Variants in PDE3A observed in about 807,000 individuals in gnomAD.
The protein encoded by PDE3A is cGMP-inhibited 3',5'-cyclic phosphodiesterase 3A.
A neutral mutation model predicts 98.3 loss-of-function variants in PDE3A; 43 were observed. The observed-to-expected ratio is 0.44, with a 90% CI of 0.34 to 0.56. PDE3A has a LOEUF of 0.56. Ranked by LOEUF, PDE3A falls within the 20% of genes least tolerant of loss-of-function variation. PDE3A has a pLI of 0.01. For synonymous variants in PDE3A, 663 were observed against 567.9 expected, an observed-to-expected ratio of 1.17 and a Z score of -2.38; for missense variants, 1,427 against 1,440.7, an observed-to-expected ratio of 0.99 and a Z score of 0.15.
intron 15 of PDE3A, among the ~76,000 whole-genome samples, chr12:20,661,550 T>C (rs1945170945): frequency 6.6e-6 from 1 of 152,160 alleles, no homozygotes; most frequent in Non-Finnish European, 1.5e-5. Context: ...TCAGGGTCCC[T>C]GAGCAGTGTG....
intron 1 of PDE3A, among the ~76,000 whole-genome samples, chr12:20,456,593 A>G (rs1418665618): frequency 6.6e-6 from 1 of 152,138 alleles, no homozygotes; most frequent in Non-Finnish European, 1.5e-5. Context: ...CCTACTCTGT[A>G]CAATACTCTA....
At chr12:20,475,656 G>A (rs1322432893) in intron 1 of PDE3A, among the ~76,000 whole-genome samples, 2 of 152,132 alleles carry the variant, frequency 1.3e-5, no homozygotes, top group South Asian at 2.1e-4. Flanking sequence ...ATTGAACCTC[G>A]GAGGCAGAGG....
chr12:20,653,110 T>G (rs978944729), intron 14 of PDE3A, among the ~76,000 whole-genome samples: 1 of 152,202 alleles, frequency 6.6e-6, no homozygotes, highest in African/African-American at 2.4e-5. Context: ...AACTGCTGGT[T>G]AAAAATCTCC....
chr12:20,383,661 G>A (rs1943698701), intron 1 of PDE3A, among the ~76,000 whole-genome samples: 1 of 151,826 alleles, frequency 6.6e-6, no homozygotes, highest in African/African-American at 2.4e-5. Flanking sequence ...TACTCCTATT[G>A]GTTTCAGTTT....
At chr12:20,562,007 T>A (rs1300614427) in intron 2 of PDE3A, among the ~76,000 whole-genome samples, 3 of 152,110 alleles carry the variant, frequency 2.0e-5, no homozygotes, top group African/African-American at 7.2e-5. Flanking sequence ...AAATAGTAGA[T>A]CACCCAAATG....
At chr12:20,566,362 G>A (rs965028150) in intron 2 of PDE3A, among the ~76,000 whole-genome samples, 1 of 151,908 alleles carries the variant, frequency 6.6e-6, no homozygotes, top group African/African-American at 2.4e-5. Context: ...GTGGTGTTGT[G>A]TTTAAATACT....
At chr12:20,668,207 G>A (rs1945372171) in intron 15 of PDE3A, among the ~76,000 whole-genome samples, 1 of 152,214 alleles carries the variant, frequency 6.6e-6, no homozygotes, top group African/African-American at 2.4e-5. Flanking sequence ...TACGCCCACA[G>A]AGTCTCGCTG....
At chr12:20,484,881 C>T (rs1945698620) in intron 1 of PDE3A, among the ~76,000 whole-genome samples, 1 of 151,654 alleles carries the variant, frequency 6.6e-6, no homozygotes, top group Non-Finnish European at 1.5e-5. Context: ...TATTTTTGTT[C>T]CTTTTCTTGG....
chr12:20,470,643 T>C (rs1362271403), intron 1 of PDE3A, among the ~76,000 whole-genome samples: 1 of 152,168 alleles, frequency 6.6e-6, no homozygotes, highest in Non-Finnish European at 1.5e-5. Flanking sequence ...GTGGTAGAGA[T>C]GGGGTTTATC....
intron 5 of PDE3A, among the ~76,000 whole-genome samples, chr12:20,627,746 A>G (rs35787538): frequency 0.011 from 1,746 of 152,292 alleles, 17 homozygotes; most frequent in Non-Finnish European, 0.018. Context: ...TGGGAGCTCC[A>G]TTAGAGCAGG....
chr12:20,523,880 AT>A (rs892313410), intron 1 of PDE3A, among the ~76,000 whole-genome samples: 3 of 152,262 alleles, frequency 2.0e-5, no homozygotes. Flanking sequence ...TATTGGGAAC[AT>A]TTAAAATGTT....
At chr12:20,663,704 C>G (rs1565468087) in intron 15 of PDE3A, among the ~76,000 whole-genome samples, 1 of 152,144 alleles carries the variant, frequency 6.6e-6, no homozygotes, top group African/African-American at 2.4e-5. Flanking sequence ...TGGGAAGTAA[C>G]TAACTTGCTT....
At chr12:20,642,693 G>A (rs73082607) in intron 10 of PDE3A, among the ~76,000 whole-genome samples, 4,679 of 152,220 alleles carry the variant, frequency 0.031, 95 homozygotes, top group Middle Eastern at 0.054. Flanking sequence ...GCAGCAATGA[G>A]AATAGTCCTG....
At chr12:20,409,466 T>C (rs1452309790) in intron 1 of PDE3A, among the ~76,000 whole-genome samples, 1 of 152,232 alleles carries the variant, frequency 6.6e-6, no homozygotes, top group Non-Finnish European at 1.5e-5. Context: ...TACAATTTGA[T>C]ACTATGTAGA....
chr12:20,623,665 TATATTCTA>T (rs1565453398), intron 5 of PDE3A, among the ~76,000 whole-genome samples: 8 of 150,602 alleles, frequency 5.3e-5, no homozygotes, highest in African/African-American at 1.2e-4. Context: ...ATATGATGGA[TATATTCTA>T]GAAAGAATAT....
At chr12:20,667,363 T>C (rs997671327) in intron 15 of PDE3A, among the ~76,000 whole-genome samples, 2 of 152,216 alleles carry the variant, frequency 1.3e-5, no homozygotes, top group African/African-American at 4.8e-5. Context: ...GTCAATGTCC[T>C]ATAGAACTTC....
intron 1 of PDE3A, among the ~76,000 whole-genome samples, chr12:20,418,992 A>G (rs1481260081): frequency 4.6e-5 from 7 of 152,164 alleles, no homozygotes; most frequent in Non-Finnish European, 2.9e-5. Context: ...AGTATAAATA[A>G]TACTGAAGTG....
At chr12:20,533,484 T>G (rs1002984628) in intron 1 of PDE3A, among the ~76,000 whole-genome samples, 1 of 150,752 alleles carries the variant, frequency 6.6e-6, no homozygotes, top group Non-Finnish European at 1.5e-5. Flanking sequence ...TTTTCTTTTT[T>G]TTTTTTTTTT....
intron 7 of PDE3A, 91 bp from the exon 8 acceptor site, chr12:20,634,811 A>C: frequency 1.2e-6 from 1 of 830,624 alleles, no homozygotes; most frequent in Non-Finnish European, 2.1e-6. Context: ...TAAACACTAT[A>C]TTTACCATAT....
Sources: gnomAD v4.1 joint callset for allele counts (sites outside exome capture counted in the v4.1 genomes callset) on GRCh38, gnomAD v4.1.1 for gene constraint, MANE v1.5 for transcripts, NCBI Gene and HGNC (gene_info 2026-07-23, HGNC 2026-07-21) for gene names.